Variants in MLYCD observed in about 807,000 individuals in gnomAD.
MLYCD encodes malonyl-CoA decarboxylase.
In MLYCD, 27 loss-of-function variants were observed where a neutral mutation model predicts 35.8. The ratio of observed to expected loss-of-function variants is 0.75; its 90% CI spans 0.56 to 1.04. The LOEUF is 1.04. Ranked by LOEUF, MLYCD falls within the 50% of genes least tolerant of loss-of-function variation. The pLI is 0.00. For synonymous variants in MLYCD, 403 were observed against 302.4 expected, an observed-to-expected ratio of 1.33 and a Z score of -3.45; for missense variants, 917 against 665.1, an observed-to-expected ratio of 1.38 and a Z score of -4.17.
Position 83,921,852 on chromosome 16 carries a change from A to AG in MLYCD, c.*6366dup, listed in dbSNP as rs1178659361. ...CAAAAGCAGACAGCGGCCAGGTCTG[A>AG]GGGTGATAGGCTACTCACTGGGTCC... On this transcript the variant is annotated 3_prime_UTR_variant, in exon 5 of 5. Transcript: ENST00000262430. 1.4e-5 allele frequency: 2 copies of AG among 138,298 alleles called. No individual in the cohort carries two copies. Among genetic ancestry groups the AG allele is most frequent in the Non-Finnish European group, 3.3e-5 (2 of 61,234 alleles). 8.6% of individuals were successfully genotyped at this position (138,298 alleles called of 1,614,324 possible). A position where few individuals can be genotyped will look rare whatever the true frequency, so the allele number is the denominator to read the frequency against.
rs375344095 is a variant in MLYCD, at chr16:83,915,390, G to A, written c.1383G>A (p.Thr461=). The change falls in exon 5 of 5, where the codon ACG becomes ACA. Residue 461 remains threonine, a synonymous_variant. Transcript: ENST00000262430. ...MANYRYFLEE[T]GPNSTSYLGS... ...ACTACCGCTACTTCCTGGAGGAGAC[G>A]GGCCCCAACAGCACCTCCTACCTCG... 5.0e-5 allele frequency: 80 copies of A among 1,613,850 alleles called. No individual in the cohort carries two copies. In the African/African-American group the frequency reaches 8.7e-4, roughly 17 times the overall value.
Position 83,915,698 on chromosome 16 carries a change from G to C in MLYCD, c.*209G>C. 6.9e-7 allele frequency: 1 copy of C among 1,448,500 alleles called. No homozygotes were observed. Among genetic ancestry groups the C allele is most frequent in the Non-Finnish European group, 9.1e-7 (1 of 1,101,696 alleles). The allele number at this position is 1,448,500 out of a possible 1,614,324, so 89.7% of individuals were successfully genotyped here. A position where few individuals can be genotyped will look rare whatever the true frequency, so the allele number is the denominator to read the frequency against. On this transcript the variant is annotated 3_prime_UTR_variant, in exon 5 of 5. Coordinates refer to ENST00000262430, the MANE Select transcript of MLYCD (RefSeq NM_012213.3). ...CCCAGTGCAAGACGGTTGTGGGTGC[G>C]GGTGCACACAAATGAGTGGGTTGCT...
At chr16:83,904,743 C>G (rs1180373168) in intron 1 of MLYCD, among the ~76,000 whole-genome samples, 1 of 152,210 alleles carries the variant, frequency 6.6e-6, no homozygotes, top group Non-Finnish European at 1.5e-5. Context: ...TTTCAAACAG[C>G]TCCGTTGAGT....
intron 1 of MLYCD, among the ~76,000 whole-genome samples, chr16:83,905,687 A>G (rs1299085473): frequency 6.6e-6 from 1 of 152,198 alleles, no homozygotes; most frequent in African/African-American, 2.4e-5. Flanking sequence ...AAGTTCCCCA[A>G]AGTGGCTGCA....
chr16:83,900,041 A>G (rs1906729382), intron 1 of MLYCD, among the ~76,000 whole-genome samples: 1 of 152,240 alleles, frequency 6.6e-6, no homozygotes, highest in Admixed American at 6.5e-5. Flanking sequence ...TACCTGAACT[A>G]GAGCATCAGG....
chr16:83,908,612 A>G (rs2151057305), intron 3 of MLYCD, among the ~76,000 whole-genome samples: 1 of 152,342 alleles, frequency 6.6e-6, no homozygotes, highest in Middle Eastern at 3.4e-3. Flanking sequence ...ATTCATACAT[A>G]GTTTACCTTT....
Position 83,915,098 on chromosome 16 carries a change from C to T in MLYCD, c.1091C>T (p.Ser364Leu), listed in dbSNP as rs1039004103. The T allele has an allele frequency of 2.0e-5, 32 of 1,614,114 alleles. No homozygotes were observed. Among genetic ancestry groups the T allele is most frequent in the Non-Finnish European group, 2.6e-5 (31 of 1,180,062 alleles). Residue 364 changes from serine to leucine, a missense_variant, in exon 5 of 5, where the codon TCG (serine) becomes TTG (leucine). By Grantham distance (145) the Ser-to-Leu change is moderately radical. Transcript: ENST00000262430. ...LFTDSECKEI[S>L]EITGGPINET... ...ACAGATTCGGAATGTAAGGAAATCT[C>T]GGAGATCACAGGTGGCCCCATTAAC...
chr16:83,907,822 C>T (rs1005189567), intron 2 of MLYCD, among the ~76,000 whole-genome samples: 2 of 152,158 alleles, frequency 1.3e-5, no homozygotes, highest in Non-Finnish European at 2.9e-5. Flanking sequence ...GTGTTCAACA[C>T]CAAGCGTTTG....
chr16:83,902,617 C>T (rs760293312), intron 1 of MLYCD, among the ~76,000 whole-genome samples: 11 of 151,710 alleles, frequency 7.3e-5, no homozygotes, highest in Non-Finnish European at 1.3e-4. Context: ...GCCATTCTCC[C>T]ACCTCAGCCT....
At chr16:83,906,960 G>T (rs772118123) in intron 1 of MLYCD, 27 bp from the exon 2 acceptor site, 2 of 1,590,394 alleles carry the variant, frequency 1.3e-6, no homozygotes, top group South Asian at 2.2e-5. Context: ...CACATTGGAG[G>T]CCTGGGATTT....
chr16:83,915,633 G>A lies in MLYCD; in HGVS notation c.*144G>A, dbSNP rs1907357293. The A allele has an allele frequency of 1.3e-6, 2 of 1,520,016 alleles. No homozygotes were observed. The highest frequency in any genetic ancestry group is 2.8e-5 in the African/African-American group (2 of 72,682). The allele number at this position is 1,520,016 out of a possible 1,614,324, so 94.2% of individuals were successfully genotyped here. A position where few individuals can be genotyped will look rare whatever the true frequency, so the allele number is the denominator to read the frequency against. The stretch of plus-strand genomic sequence containing the variant: ...GTCCCGCAGCCGGTCCACACTGTGA[G>A]GCCAGGCCTCAACTTCCCTCACCCT... On this transcript the variant is annotated 3_prime_UTR_variant, in exon 5 of 5. Coordinates refer to ENST00000262430, the MANE Select transcript of MLYCD (RefSeq NM_012213.3).
At position 83,905,869 on chromosome 16, in the gene MLYCD, C is replaced by T. The variant is rs184739198; in HGVS notation, c.529-1118C>T. Among the ~76,000 whole-genome samples, 108 of 152,318 alleles carry T rather than the reference C, an allele frequency of 7.1e-4. 3 individuals carry two copies. In the East Asian group the frequency reaches 0.016, roughly 23 times the overall value. Reference sequence around the variant, plus strand: ...GAACAACAAGCTGTGGCTGTGCAGGCAGCACCGAGGCGACGCTGCTCCTGC... The same window carrying T: ...GAACAACAAGCTGTGGCTGTGCAGGTAGCACCGAGGCGACGCTGCTCCTGC... On this transcript the variant is annotated intron_variant, in intron 1 of 4. Coordinates refer to ENST00000262430, the MANE Select transcript of MLYCD (RefSeq NM_012213.3).
intron 1 of MLYCD, among the ~76,000 whole-genome samples, chr16:83,901,216 TATC>T (rs1417660478): frequency 6.6e-6 from 1 of 152,208 alleles, no homozygotes; most frequent in Non-Finnish European, 1.5e-5. Context: ...TGTGTTGAAT[TATC>T]ATGTTCTGGG....
Position 83,904,614 on chromosome 16 carries a change from G to A in MLYCD, c.529-2373G>A, listed in dbSNP as rs1597289167. The stretch of plus-strand genomic sequence containing the variant: ...TGCGAACTATAAAAATGAATCAGAA[G>A]TGGATCCTGCTTTTATGGCGTTTAC... On this transcript the variant is annotated intron_variant, in intron 1 of 4. Coordinates refer to ENST00000262430, the MANE Select transcript of MLYCD (RefSeq NM_012213.3). 2.0e-5 allele frequency among the ~76,000 whole-genome samples: 3 copies of A among 152,296 alleles called. No individual in the cohort carries two copies. In the South Asian group the frequency reaches 6.2e-4, roughly 32 times the overall value.
At position 83,912,149 on chromosome 16, in the gene MLYCD, G is replaced by A. The variant is rs571889846; in HGVS notation, c.799-69G>A. The A allele has an allele frequency of 2.6e-5, 42 of 1,604,082 alleles. No individual in the cohort carries two copies. The African/African-American group carries it at 4.5e-4, about 17-fold the overall frequency. ...CTCTGAGAATTGTCTTCTCGTCCCA[G>A]CAACAGGCTTGCCTCGTGGGCTGCA... On this transcript the variant is annotated intron_variant, in intron 3 of 4. Transcript: ENST00000262430.
At position 83,925,419 on chromosome 16, in the gene MLYCD, G is replaced by A. The variant is rs1907775888; in HGVS notation, c.*9930G>A. Reference sequence around the variant, plus strand: ...TTGTTCTCTTCATTTCCCTGGCCCAGGTTACAAAGTCTCCTTCCTGATTAT... The same window carrying A: ...TTGTTCTCTTCATTTCCCTGGCCCAAGTTACAAAGTCTCCTTCCTGATTAT... On this transcript the variant is annotated 3_prime_UTR_variant, in exon 5 of 5. Coordinates refer to ENST00000262430, the MANE Select transcript of MLYCD (RefSeq NM_012213.3). 1 of 152,408 alleles carries A rather than the reference G, an allele frequency of 6.6e-6. No homozygotes were observed. The allele number at this position is 152,408 out of a possible 1,614,324, so 9.4% of individuals were successfully genotyped here.
intron 1 of MLYCD, among the ~76,000 whole-genome samples, chr16:83,899,990 TTG>T (rs1325247220): frequency 6.6e-6 from 1 of 152,190 alleles, no homozygotes; most frequent in Non-Finnish European, 1.5e-5. Context: ...CTACAGTCTT[TTG>T]AAATTATTGT....
rs770932669 is a variant in MLYCD at position 83,899,595 on chromosome 16, G to A, written c.451G>A (p.Val151Met). Residue 151 changes from valine to methionine, a missense_variant, in exon 1 of 5, where the codon GTG becomes ATG. Coordinates refer to ENST00000262430, the MANE Select transcript of MLYCD (RefSeq NM_012213.3). Reference sequence around the variant, plus strand: ...CCACATCAGCAAGCTGGACGGCGGCGTGCGCTTCCTGGTGCAGCTGCGGGC... The same window carrying A: ...CCACATCAGCAAGCTGGACGGCGGCATGCGCTTCCTGGTGCAGCTGCGGGC... The part of the protein sequence containing the change: ...FHHISKLDGG[V>M]RFLVQLRADL... 1 of 1,587,908 alleles carries A rather than the reference G, an allele frequency of 6.3e-7. No homozygotes were observed. Among genetic ancestry groups the A allele is most frequent in the Non-Finnish European group, 8.5e-7 (1 of 1,175,432 alleles).
Position 83,920,900 on chromosome 16 carries a change from AGATGGATGGATGGATGGATGGATG to A in MLYCD, c.*5432_*5455del, listed in dbSNP as rs111265343. 2.7e-5 allele frequency: 4 copies of A among 146,294 alleles called. No homozygotes were observed. The highest frequency in any genetic ancestry group is 2.0e-4 in the Admixed American group (3 of 14,664). 9.1% of individuals were successfully genotyped at this position (146,294 alleles called of 1,614,324 possible). ...TTAGATGGATGGATGGAAGGAAGGA[AGATGGATGGATGGATGGATGGATG>A]GATGGATGGATGGATGGATGACAGA... is the stretch of plus-strand genomic sequence containing the variant. On this transcript the variant is annotated 3_prime_UTR_variant, in exon 5 of 5. Transcript: ENST00000262430.
Sources: allele counts gnomAD v4.1 joint callset (sites outside exome capture counted in the v4.1 genomes callset), GRCh38; gene constraint gnomAD v4.1.1; transcripts MANE v1.5; gene names NCBI Gene and HGNC (gene_info 2026-07-23, HGNC 2026-07-21).